TENM1: variants seen among roughly 807,000 people sequenced by gnomAD.
TENM1 encodes teneurin-1.
Under a neutral mutation model 174.8 loss-of-function variants are expected in TENM1, and 35 were observed. That is an observed-to-expected ratio of 0.20 (90% confidence interval 0.15 to 0.27). The LOEUF (loss-of-function observed/expected upper bound fraction) is 0.27. TENM1 is among the 10% of genes least tolerant of loss of function. The probability of loss-of-function intolerance (pLI) is 1.00; values close to 1 mark genes in which losing one functional copy is unlikely to be tolerated. For missense variants in TENM1, 1,633 were observed against 2,130.1 expected, an observed-to-expected ratio of 0.77 and a Z score of 4.59; for synonymous variants, 781 against 798.7, an observed-to-expected ratio of 0.98 and a Z score of 0.37.
chrX:124,972,537 T>C, the TENM1 span, among the ~76,000 whole-genome samples: 1 of 112,204 alleles, frequency 8.9e-6, no homozygotes. Flanking sequence ...TATAGTTTGA[T>C]TGAATTCTAA....
intron 3 of TENM1, among the ~76,000 whole-genome samples, chrX:124,877,357 C>G (rs963034100): frequency 6.3e-5 from 7 of 111,910 alleles, no homozygotes; most frequent in Non-Finnish European, 1.1e-4. Flanking sequence ...TTTTAACTTT[C>G]AACCCCTGAC....
chrX:124,518,117 G>A (rs1260547694), intron 18 of TENM1, among the ~76,000 whole-genome samples: 1 of 111,116 alleles, frequency 9.0e-6, no homozygotes, highest in Non-Finnish European at 1.9e-5. Context: ...CTTGTAGGGG[G>A]AAGAGGATGG....
chrX:124,557,172 C>T (rs1394681312), intron 14 of TENM1, among the ~76,000 whole-genome samples: 1 of 111,576 alleles, frequency 9.0e-6, no homozygotes, highest in Non-Finnish European at 1.9e-5. Context: ...CTACTAGTCT[C>T]ATGTGGCTAC....
chrX:124,569,736 C>G (rs1602682302), intron 11 of TENM1, among the ~76,000 whole-genome samples: 1 of 111,208 alleles, frequency 9.0e-6, no homozygotes, highest in East Asian at 2.8e-4. Flanking sequence ...ATAACTAAAT[C>G]CATGTGTACA....
At chrX:124,765,859 T>A (rs988876733) in intron 3 of TENM1, among the ~76,000 whole-genome samples, 4 of 112,149 alleles carry the variant, frequency 3.6e-5, no homozygotes, top group African/African-American at 1.3e-4. Context: ...ACTTATGTCA[T>A]TTACTCATAA....
rs189068802 is a variant in TENM1 at position 124,759,234 on chromosome X, T to C, written c.536-22037A>G. ...GGGCAGACAAGTTATAATGGATAAT[T>C]ACATGGTCATCAACACAGATTTTGC... On this transcript the variant is annotated intron_variant, in intron 3 of 31. Transcript: ENST00000422452. Among the ~76,000 whole-genome samples the C allele has an allele frequency of 2.2e-3, 242 of 111,898 alleles. 3 individuals carry two copies. Among genetic ancestry groups the C allele is most frequent in the African/African-American group, 7.6e-3 (234 of 30,865 alleles).
intron 3 of TENM1, among the ~76,000 whole-genome samples, chrX:124,859,519 G>C (rs1268380447): frequency 9.5e-6 from 1 of 104,942 alleles, no homozygotes; most frequent in Non-Finnish European, 2.0e-5. Context: ...ACTCCAGCCT[G>C]GGTGACAGGG....
At chrX:124,878,458 G>A (rs2057246587) in intron 3 of TENM1, among the ~76,000 whole-genome samples, 1 of 109,232 alleles carries the variant, frequency 9.2e-6, no homozygotes, top group Admixed American at 9.8e-5. Context: ...AGGTATTTGG[G>A]TTATGAGAGT....
chrX:124,925,092 TA>T (rs1178932015), intron 1 of TENM1, among the ~76,000 whole-genome samples: 1 of 108,989 alleles, frequency 9.2e-6, no homozygotes, highest in African/African-American at 3.3e-5. Flanking sequence ...ATAAACTCTA[TA>T]AAACTTATAA....
At chrX:124,768,250 A>C (rs1384648361) in intron 3 of TENM1, among the ~76,000 whole-genome samples, 1 of 112,288 alleles carries the variant, frequency 8.9e-6, no homozygotes, top group Non-Finnish European at 1.9e-5. Flanking sequence ...CTATGCTACA[A>C]AGTATTTTTA....
the TENM1 span, among the ~76,000 whole-genome samples, chrX:125,147,082 C>T: frequency 5.5e-5 from 6 of 108,276 alleles, no homozygotes; most frequent in Middle Eastern, 9.8e-3. Context: ...TATACACACA[C>T]GTGTGTGTAT....
the TENM1 span, among the ~76,000 whole-genome samples, chrX:125,089,174 T>C: frequency 8.9e-6 from 1 of 111,761 alleles, no homozygotes; most frequent in Admixed American, 9.5e-5. Context: ...CTTATAAAGG[T>C]CTGCAGAGAG....
chrX:124,553,826 C>T (rs2048634188), intron 14 of TENM1, among the ~76,000 whole-genome samples: 1 of 111,450 alleles, frequency 9.0e-6, no homozygotes, highest in African/African-American at 3.3e-5. Flanking sequence ...CATTCAAGGC[C>T]CAGCACGGTG....
chrX:124,642,037 AGGTATGGCCAACATACCTTAGTAT>A, intron 10 of TENM1, 46 bp from the exon 14 acceptor site: 2 of 954,713 alleles, frequency 2.1e-6, no homozygotes, highest in Non-Finnish European at 3.0e-6. Context: ...AATAGTGAAC[AGGTATGGCCAACATACCTTAGTAT>A]GATGAAACGG....
the TENM1 span, among the ~76,000 whole-genome samples, chrX:124,986,206 G>A: frequency 5.4e-5 from 6 of 111,624 alleles, no homozygotes; most frequent in East Asian, 1.4e-3. Context: ...AATATGTAAT[G>A]GCTTTGGGAG....
intron 3 of TENM1, among the ~76,000 whole-genome samples, chrX:124,853,665 G>C (rs1333661510): frequency 2.7e-5 from 3 of 110,801 alleles, no homozygotes; most frequent in Non-Finnish European, 5.7e-5. Flanking sequence ...AAATATTTCA[G>C]AGACAATATC....
At chrX:124,664,541 A>AAAAAAAAAAAAAAAAG (rs2051695654) in intron 6 of TENM1, among the ~76,000 whole-genome samples, 1 of 100,899 alleles carries the variant, frequency 9.9e-6, no homozygotes, top group African/African-American at 3.4e-5. Flanking sequence ...AGAAAAAAAA[A>AAAAAAAAAAAAAAAAG]AAAAAAAAAA....
intron 24 of TENM1, among the ~76,000 whole-genome samples, chrX:124,421,249 C>T (rs1220340583): frequency 8.9e-6 from 1 of 112,247 alleles, no homozygotes; most frequent in Non-Finnish European, 1.9e-5. Flanking sequence ...CATTGTCACA[C>T]TGTCAAAGTA....
chrX:124,488,326 A>G (rs2046994725), intron 20 of TENM1, among the ~76,000 whole-genome samples: 1 of 112,416 alleles, frequency 8.9e-6, no homozygotes, highest in African/African-American at 3.2e-5. Flanking sequence ...CCATTTTTTT[A>G]TCTAAACTAG....
Sources: gnomAD v4.1 joint callset for allele counts (sites outside exome capture counted in the v4.1 genomes callset) on GRCh38, gnomAD v4.1.1 for gene constraint, MANE v1.5 for transcripts, NCBI Gene and HGNC (gene_info 2026-07-23, HGNC 2026-07-21) for gene names.